The following GCNT2 variants were observed in gnomAD, a reference collection of about 807,000 sequenced individuals.
GCNT2 encodes the protein glucosaminyl (N-acetyl) transferase 2 (I blood group).
Under a neutral mutation model 34.2 loss-of-function variants are expected in GCNT2, and 34 were observed. The ratio of observed to expected loss-of-function variants is 1.00; its 90% CI spans 0.76 to 1.32. The LOEUF (loss-of-function observed/expected upper bound fraction) is 1.32, where lower values mean the gene tolerates loss of function less well. Ranked by LOEUF, GCNT2 falls within the 40% of genes most tolerant of loss-of-function variation. GCNT2 has a pLI of 0.00. For synonymous variants in GCNT2, 212 were observed against 188.0 expected, an observed-to-expected ratio of 1.13 and a Z score of -1.04; for missense variants, 584 against 489.4, an observed-to-expected ratio of 1.19 and a Z score of -1.82.
chr6:10,523,990 A>AAC (rs1554124732), intron 1 of GCNT2, among the ~76,000 whole-genome samples: 1 of 150,680 alleles, frequency 6.6e-6, no homozygotes, highest in Non-Finnish European at 1.5e-5. Context: ...AAAAAAAAAA[A>AAC]AAACCAAGAC....
intron 3 of GCNT2, among the ~76,000 whole-genome samples, chr6:10,573,624 C>G (rs570549929): frequency 3.9e-5 from 6 of 152,324 alleles, no homozygotes; most frequent in African/African-American, 1.4e-4. Flanking sequence ...TTTTTAGAAG[C>G]TTTCTCAGGG....
At chr6:10,562,656 GAAAAAAAAAA>G (rs57868433) in intron 3 of GCNT2, among the ~76,000 whole-genome samples, 18 of 77,524 alleles carry the variant, frequency 2.3e-4, no homozygotes, top group Non-Finnish European at 3.2e-4. Flanking sequence ...GAACTTCTCT[GAAAAAAAAAA>G]AAAAAAAAAA....
At chr6:10,525,097 T>C (rs1761123369) in intron 1 of GCNT2, among the ~76,000 whole-genome samples, 1 of 152,186 alleles carries the variant, frequency 6.6e-6, no homozygotes, top group Admixed American at 6.5e-5. Context: ...GGGATTCTTG[T>C]CTGTAGAAAG....
At chr6:10,586,095 C>G (rs1418287936) in intron 3 of GCNT2, 1 of 1,614,138 alleles carries the variant, frequency 6.2e-7, no homozygotes, top group East Asian at 2.2e-5. Context: ...TTATGAGAAG[C>G]TGAACAGTTC....
In GCNT2 at chr6:10,523,508, A is replaced by G. The variant is rs953435840; in HGVS notation, c.-469+2091A>G. On this transcript the variant is annotated intron_variant, in intron 1 of 4. Coordinates refer to ENST00000495262, the MANE Select transcript of GCNT2 (RefSeq NM_145649.5). ...TTTCCCAGCTATTTTTTGTTAAACG[A>G]TCACAACCCACTTCATTTCCCCCTC... Among the ~76,000 whole-genome samples, 18 of 151,056 alleles carry G rather than the reference A, an allele frequency of 1.2e-4. 1 individual carries two copies. The highest frequency in any genetic ancestry group is 2.5e-4 in the Non-Finnish European group (17 of 67,884).
chr6:10,542,221 C>A (rs1317972660), intron 3 of GCNT2, among the ~76,000 whole-genome samples: 1 of 152,178 alleles, frequency 6.6e-6, no homozygotes, highest in East Asian at 1.9e-4. Flanking sequence ...ACAGCTGTTT[C>A]CTGCCCCAGT....
At chr6:10,588,239 G>A (rs777361479) in intron 3 of GCNT2, among the ~76,000 whole-genome samples, 6 of 152,190 alleles carry the variant, frequency 3.9e-5, no homozygotes, top group Non-Finnish European at 5.9e-5. Context: ...AGGAGGGGTG[G>A]TGAACCAACA....
At position 10,584,170 on chromosome 6, in the gene GCNT2, A is replaced by C. The variant is rs151004660; in HGVS notation, c.926-37181A>C. Among the ~76,000 whole-genome samples, 583 of 152,218 alleles carry C rather than the reference A, an allele frequency of 3.8e-3. 4 individuals carry two copies. The highest frequency in any genetic ancestry group is 9.0e-3 in the African/African-American group (375 of 41,520). On this transcript the variant is annotated intron_variant, in intron 3 of 4. Transcript: ENST00000495262. ...TTGGCGAGGGGAATGTGGTGGGGCT[A>C]TAGGGTGAAGGTGGGGAGAGGGTCA...
intron 3 of GCNT2, among the ~76,000 whole-genome samples, chr6:10,536,475 C>T (rs1002292742): frequency 2.0e-5 from 3 of 151,876 alleles, no homozygotes; most frequent in Non-Finnish European, 4.4e-5. Context: ...CTGCCTCAGC[C>T]TCCCGAGTAG....
intron 3 of GCNT2, among the ~76,000 whole-genome samples, chr6:10,581,109 A>G (rs189679443): frequency 6.6e-6 from 1 of 152,282 alleles, no homozygotes; most frequent in East Asian, 1.9e-4. Context: ...ACCATTTGAT[A>G]TATTCAAAGA....
chr6:10,565,026 A>G (rs540042412), intron 3 of GCNT2, among the ~76,000 whole-genome samples: 2 of 152,372 alleles, frequency 1.3e-5, no homozygotes, highest in African/African-American at 4.8e-5. Context: ...TGGCAATGGT[A>G]GCACATGAAC....
chr6:10,522,846 T>A (rs1305017229), intron 1 of GCNT2, among the ~76,000 whole-genome samples: 2 of 152,132 alleles, frequency 1.3e-5, no homozygotes, highest in African/African-American at 4.8e-5. Context: ...TGGGCTGCTG[T>A]TCTAGCTTCT....
intron 3 of GCNT2, among the ~76,000 whole-genome samples, chr6:10,554,915 A>C (rs1263129445): frequency 1.3e-5 from 2 of 152,142 alleles, no homozygotes; most frequent in Non-Finnish European, 2.9e-5. Context: ...AGTTAGAAGA[A>C]TGGAAGCGAC....
chr6:10,540,914 T>G (rs1042795419), intron 3 of GCNT2, among the ~76,000 whole-genome samples: 6 of 152,036 alleles, frequency 3.9e-5, no homozygotes, highest in African/African-American at 1.5e-4. Flanking sequence ...CTCTTGGGAG[T>G]GTGGTCTGCC....
rs555248343 is a variant in GCNT2 at position 10,567,298 on chromosome 6, T to C, written c.925+37462T>C. 2.0e-5 allele frequency among the ~76,000 whole-genome samples: 3 copies of C among 152,076 alleles called. No homozygotes were observed. In the South Asian group the frequency reaches 6.2e-4, roughly 32 times the overall value. On this transcript the variant is annotated intron_variant, in intron 3 of 4. Transcript: ENST00000495262. Reference sequence around the variant, plus strand: ...AACACAGTGACTCATCTCTACAAAATATACAAAAATCAGCTGGGCATGGTG... The same window carrying C: ...AACACAGTGACTCATCTCTACAAAACATACAAAAATCAGCTGGGCATGGTG...
Position 10,541,084 on chromosome 6 carries a change from AGTGGTTTACCCG to A in GCNT2, c.925+11249_925+11260del, listed in dbSNP as rs547649156. Among the ~76,000 whole-genome samples, 483 of 152,246 alleles carry A rather than the reference AGTGGTTTACCCG, an allele frequency of 3.2e-3. 2 individuals are homozygous for A. Among genetic ancestry groups the A allele is most frequent in the Non-Finnish European group, 5.5e-3 (371 of 68,000 alleles). On this transcript the variant is annotated intron_variant, in intron 3 of 4. Transcript: ENST00000495262. ...TGTTACATAGGTAAACGTGTGCCAC[AGTGGTTTACCCG>A]CACAGATCATCCCATCACCTACGTA... is the stretch of plus-strand genomic sequence containing the variant.
At chr6:10,570,643 A>C (rs1763516080) in intron 3 of GCNT2, among the ~76,000 whole-genome samples, 1 of 152,138 alleles carries the variant, frequency 6.6e-6, no homozygotes, top group African/African-American at 2.4e-5. Flanking sequence ...TGAAAATCTA[A>C]TTCTGCACTT....
chr6:10,540,061 G>A (rs1021237878), intron 3 of GCNT2, among the ~76,000 whole-genome samples: 1 of 150,660 alleles, frequency 6.6e-6, no homozygotes, highest in Non-Finnish European at 1.5e-5. Context: ...CTTGGTGACA[G>A]AGTGAGACCC....
intron 3 of GCNT2, among the ~76,000 whole-genome samples, chr6:10,610,115 A>G (rs1218709946): frequency 6.6e-6 from 1 of 152,200 alleles, no homozygotes; most frequent in Non-Finnish European, 1.5e-5. Context: ...CTGAGTGAGG[A>G]CTGTGGCATC....
Sources: gnomAD v4.1 joint callset for allele counts (sites outside exome capture counted in the v4.1 genomes callset) on GRCh38, gnomAD v4.1.1 for gene constraint, MANE v1.5 for transcripts, NCBI Gene and HGNC (gene_info 2026-07-23, HGNC 2026-07-21) for gene names.